SNTG1: variants seen among roughly 807,000 people sequenced by gnomAD.
The protein encoded by SNTG1 is gamma-1-syntrophin.
Under a neutral mutation model 74.7 loss-of-function variants are expected in SNTG1, and 39 were observed. The ratio of observed to expected loss-of-function variants is 0.52; its 90% CI spans 0.40 to 0.68. The LOEUF (loss-of-function observed/expected upper bound fraction) is 0.68. Ranked by LOEUF, SNTG1 falls within the 30% of genes least tolerant of loss-of-function variation. The pLI is 0.00. For synonymous variants in SNTG1, 254 were observed against 217.1 expected (o/e 1.17, Z -1.49); for missense variants, 685 against 609.5 (o/e 1.12, Z -1.30).
chr8:50,100,336 G>A lies in SNTG1; in HGVS notation c.-102-72225G>A, dbSNP rs184255483. Among the ~76,000 whole-genome samples, 541 of 152,062 alleles carry A rather than the reference G, an allele frequency of 3.6e-3. 2 individuals are homozygous for A. The highest frequency in any genetic ancestry group is 0.014 in the South Asian group (65 of 4,810). ...ATGCAAAATTACAACTAAATAGAAA[G>A]AACAAGTTCTAGTGTTCTATATTAC... On this transcript the variant is annotated intron_variant, in intron 1 of 18. Coordinates refer to ENST00000642720, the MANE Select transcript of SNTG1 (RefSeq NM_018967.5).
intron 17 of SNTG1, among the ~76,000 whole-genome samples, chr8:50,750,490 A>G (rs935245338): frequency 1.3e-5 from 2 of 152,032 alleles, no homozygotes; most frequent in Non-Finnish European, 2.9e-5. Flanking sequence ...CTATTCGGCT[A>G]TATTGCAGGC....
chr8:50,165,366 A>G (rs1420487957), intron 1 of SNTG1, among the ~76,000 whole-genome samples: 1 of 152,202 alleles, frequency 6.6e-6, no homozygotes, highest in Non-Finnish European at 1.5e-5. Context: ...GGATGTACAG[A>G]AATCATTTTT....
At position 50,119,254 on chromosome 8, in the gene SNTG1, A is replaced by G. The variant is rs995123276; in HGVS notation, c.-102-53307A>G. Among the ~76,000 whole-genome samples, 5 of 141,098 alleles carry G rather than the reference A, an allele frequency of 3.5e-5. 1 individual carries two copies. Among genetic ancestry groups the G allele is most frequent in the Admixed American group, 2.9e-4 (4 of 13,634 alleles). 92.6% of individuals were successfully genotyped at this position (141,098 alleles called of 152,430 possible). Reference sequence around the variant, plus strand: ...TATTTTATCACTGATCACTGCCACCACAGAGAGAAGGCTAATTCTCTTTTC... The same window carrying G: ...TATTTTATCACTGATCACTGCCACCGCAGAGAGAAGGCTAATTCTCTTTTC... On this transcript the variant is annotated intron_variant, in intron 1 of 18. Transcript: ENST00000642720.
chr8:50,208,383 C>T (rs1334757056), intron 2 of SNTG1, among the ~76,000 whole-genome samples: 1 of 151,948 alleles, frequency 6.6e-6, no homozygotes, highest in African/African-American at 2.4e-5. Context: ...GGATTGTAAC[C>T]CTTGCTTTTT....
intron 15 of SNTG1, among the ~76,000 whole-genome samples, chr8:50,663,564 C>T (rs1262546136): frequency 6.6e-6 from 1 of 152,042 alleles, no homozygotes; most frequent in African/African-American, 2.4e-5. Flanking sequence ...TGGTTTGACT[C>T]GTTTTGCTCT....
intron 1 of SNTG1, among the ~76,000 whole-genome samples, chr8:50,002,457 G>A (rs1378207434): frequency 2.0e-5 from 3 of 152,022 alleles, no homozygotes; most frequent in Non-Finnish European, 2.9e-5. Context: ...AGTAATAAAA[G>A]TGCAATATTT....
chr8:50,178,382 T>C (rs1348904253), intron 2 of SNTG1, among the ~76,000 whole-genome samples: 2 of 151,550 alleles, frequency 1.3e-5, no homozygotes, highest in African/African-American at 4.9e-5. Flanking sequence ...TGTCACTTTC[T>C]GTCTCTCTCT....
chr8:49,946,249 T>A (rs1023539859), intron 1 of SNTG1, among the ~76,000 whole-genome samples: 2 of 152,226 alleles, frequency 1.3e-5, no homozygotes, highest in Non-Finnish European at 2.9e-5. Context: ...TCCTGGCTAC[T>A]TTTGTCAAAA....
intron 1 of SNTG1, among the ~76,000 whole-genome samples, chr8:50,100,522 A>T (rs1006434078): frequency 6.6e-6 from 1 of 152,096 alleles, no homozygotes; most frequent in Non-Finnish European, 1.5e-5. Flanking sequence ...AAACATCACT[A>T]TGTATCTGAT....
chr8:50,668,514 A>G (rs1010347544), intron 15 of SNTG1, among the ~76,000 whole-genome samples: 2 of 147,608 alleles, frequency 1.4e-5, no homozygotes, highest in Non-Finnish European at 3.0e-5. Context: ...TATTATTATT[A>G]TTATTATTAT....
At chr8:50,297,641 A>G (rs77017490) in intron 2 of SNTG1, among the ~76,000 whole-genome samples, 7,206 of 152,240 alleles carry the variant, frequency 0.047, 214 homozygotes, top group Middle Eastern at 0.099. Context: ...GACGCTGGAG[A>G]AAAGGAGTGT....
At chr8:50,649,392 G>C (rs1464663092) in intron 13 of SNTG1, among the ~76,000 whole-genome samples, 1 of 152,048 alleles carries the variant, frequency 6.6e-6, no homozygotes, top group Non-Finnish European at 1.5e-5. Context: ...CCAGCTACTC[G>C]GGAGGCTGAA....
At chr8:49,910,991 A>G (rs1407879812), upstream of SNTG1, 1 of 152,232 alleles carries the variant, frequency 6.6e-6, no homozygotes, top group African/African-American at 2.4e-5. Context: ...CGTTCGCCGG[A>G]TCCTCTGAGA....
chr8:50,717,621 TTC>T (rs1401104356), intron 17 of SNTG1, among the ~76,000 whole-genome samples: 1 of 152,226 alleles, frequency 6.6e-6, no homozygotes, highest in Non-Finnish European at 1.5e-5. Context: ...TGCTTTTTCT[TTC>T]TGTTTCAAAT....
At chr8:50,060,403 G>T (rs1820370630) in intron 1 of SNTG1, among the ~76,000 whole-genome samples, 1 of 151,926 alleles carries the variant, frequency 6.6e-6, no homozygotes, top group Non-Finnish European at 1.5e-5. Flanking sequence ...TGTTGCTTAT[G>T]CTTCTTGAGT....
At chr8:50,135,239 G>A (rs1292358318) in intron 1 of SNTG1, among the ~76,000 whole-genome samples, 2 of 152,092 alleles carry the variant, frequency 1.3e-5, no homozygotes, top group African/African-American at 2.4e-5. Context: ...AATGAAGTTC[G>A]GCTTTGTTTT....
intron 13 of SNTG1, chr8:50,643,717 T>C (rs2095088622): frequency 6.6e-6 from 1 of 152,160 alleles, no homozygotes; most frequent in Non-Finnish European, 1.5e-5. Flanking sequence ...AAAAATAAAA[T>C]TATCTGATAA....
At chr8:49,928,967 C>G (rs1807303175) in intron 1 of SNTG1, among the ~76,000 whole-genome samples, 1 of 151,604 alleles carries the variant, frequency 6.6e-6, no homozygotes, top group Non-Finnish European at 1.5e-5. Context: ...TGGAATTGGA[C>G]AAGAGGCTAT....
At chr8:50,254,604 T>C (rs998000633) in intron 2 of SNTG1, among the ~76,000 whole-genome samples, 3 of 152,238 alleles carry the variant, frequency 2.0e-5, no homozygotes, top group Admixed American at 1.3e-4. Context: ...CCCAGCACTT[T>C]GGAGACTGAG....
Sources: allele counts gnomAD v4.1 joint callset (sites outside exome capture counted in the v4.1 genomes callset), GRCh38; gene constraint gnomAD v4.1.1; transcripts MANE v1.5; gene names NCBI Gene and HGNC (gene_info 2026-07-23, HGNC 2026-07-21).